The following DNAH7 variants were observed in gnomAD, a reference collection of about 807,000 sequenced individuals.
DNAH7 encodes the protein dynein axonemal heavy chain 7.
A neutral mutation model predicts 444.6 loss-of-function variants in DNAH7; 397 were observed. The observed-to-expected ratio is 0.89, with a 90% CI of 0.82 to 0.97. DNAH7 has a LOEUF of 0.97. Ranked by LOEUF, DNAH7 falls within the 50% of genes least tolerant of loss-of-function variation. The pLI, the probability that DNAH7 is intolerant of heterozygous loss-of-function variation, is 0.00. For synonymous variants in DNAH7, 1,636 were observed against 1,624.4 expected, an observed-to-expected ratio of 1.01 and a Z score of -0.17; for missense variants, 4,902 against 4,800.8, an observed-to-expected ratio of 1.02 and a Z score of -0.62.
At chr2:195,753,301 G>A (rs975964252) in intron 63 of DNAH7, among the ~76,000 whole-genome samples, 1 of 152,060 alleles carries the variant, frequency 6.6e-6, no homozygotes, top group African/African-American at 2.4e-5. Flanking sequence ...GTTTTGAGAG[G>A]AGGAAAGCAA....
At chr2:195,956,106 T>C (rs1378329687) in intron 19 of DNAH7, among the ~76,000 whole-genome samples, 2 of 152,164 alleles carry the variant, frequency 1.3e-5, no homozygotes. Flanking sequence ...TCAGATCATA[T>C]AGTTGACGTC....
chr2:195,923,947 T>G lies in DNAH7; in HGVS notation c.3613-140A>C, dbSNP rs534624878. On this transcript the variant is annotated intron_variant, in intron 22 of 64. Coordinates refer to ENST00000312428, the MANE Select transcript of DNAH7 (RefSeq NM_018897.3). Reference sequence around the variant, plus strand: ...CATGTAATACAATTTAAAAATAATTTGTTTTTCTGACTACAAAGATACTAG... The same window carrying G: ...CATGTAATACAATTTAAAAATAATTGGTTTTTCTGACTACAAAGATACTAG... 1.5e-5 allele frequency: 13 copies of G among 853,670 alleles called. No homozygotes were observed. In the African/African-American group the frequency reaches 1.7e-4, roughly 11 times the overall value. 52.9% of individuals were successfully genotyped at this position (853,670 alleles called of 1,614,324 possible). A position where few individuals can be genotyped will look rare whatever the true frequency, so the allele number is the denominator to read the frequency against.
chr2:195,969,822 A>G (rs1691722456), intron 17 of DNAH7, 126 bp downstream of exon 17: 1 of 940,106 alleles, frequency 1.1e-6, no homozygotes, highest in Non-Finnish European at 1.5e-6. Flanking sequence ...GTGTCATTCT[A>G]TTATCCTCTA....
chr2:195,957,658 A>G (rs1690777564), intron 18 of DNAH7, among the ~76,000 whole-genome samples: 1 of 151,564 alleles, frequency 6.6e-6, no homozygotes, highest in Non-Finnish European at 1.5e-5. Context: ...TACATTATAT[A>G]CAATCTTGTA....
At position 195,991,625 on chromosome 2, in the gene DNAH7, T is replaced by A. The variant is rs186669713; in HGVS notation, c.1354-3396A>T. On this transcript the variant is annotated intron_variant, in intron 12 of 64. Coordinates refer to ENST00000312428, the MANE Select transcript of DNAH7 (RefSeq NM_018897.3). ...ATATCAACTTCAATAAAACAACTGC[T>A]ATGCAGAACCCTGTACATATAAACA... 1.6e-3 allele frequency among the ~76,000 whole-genome samples: 244 copies of A among 152,342 alleles called. 2 individuals carry two copies. Among genetic ancestry groups the A allele is most frequent in the Non-Finnish European group, 6.8e-4 (46 of 68,030 alleles).
intron 39 of DNAH7, 73 bp from the exon 40 acceptor site, chr2:195,872,542 A>G (rs1700780528): frequency 5.2e-6 from 5 of 955,562 alleles, no homozygotes; most frequent in Non-Finnish European, 7.6e-6. Flanking sequence ...AAGGATATTT[A>G]GCAGGACCAA....
chr2:195,771,963 A>C, intron 60 of DNAH7, 73 bp from the exon 61 acceptor site: 2 of 1,268,006 alleles, frequency 1.6e-6, no homozygotes, highest in African/African-American at 1.5e-5. Flanking sequence ...AAAAATCCTA[A>C]GGTAAATCTT....
intron 39 of DNAH7, 107 bp from the exon 40 acceptor site, chr2:195,872,576 A>G: frequency 1.7e-6 from 1 of 587,164 alleles, no homozygotes; most frequent in Non-Finnish European, 2.8e-6. Flanking sequence ...TTTTGATTAA[A>G]TCAATTTCAT....
intron 60 of DNAH7, among the ~76,000 whole-genome samples, chr2:195,773,847 T>A (rs750133361): frequency 1.6e-4 from 24 of 152,264 alleles, no homozygotes; most frequent in Admixed American, 7.2e-4. Flanking sequence ...AAAGGAGCTC[T>A]GCACAAGCAA....
At chr2:196,035,788 T>C (rs1354480759) in intron 5 of DNAH7, among the ~76,000 whole-genome samples, 1 of 149,626 alleles carries the variant, frequency 6.7e-6, no homozygotes, top group East Asian at 2.0e-4. Context: ...CTGTTCACAT[T>C]TCCACCCAAG....
At chr2:195,919,906 AT>A (rs1272595486) in intron 24 of DNAH7, among the ~76,000 whole-genome samples, 1 of 152,194 alleles carries the variant, frequency 6.6e-6, no homozygotes, top group African/African-American at 2.4e-5. Context: ...GAGATATCAA[AT>A]GGAAGTATCA....
rs1240380109 is a variant in DNAH7, at chr2:195,951,085, A to G, written c.3078+6176T>C. Reference sequence around the variant, plus strand: ...TTCTCCTGTGAGCATTTAGTGCTATAAAGTTCCCTCTAAACACTGCTTTAC... The same window carrying G: ...TTCTCCTGTGAGCATTTAGTGCTATGAAGTTCCCTCTAAACACTGCTTTAC... On this transcript the variant is annotated intron_variant, in intron 19 of 64. Coordinates refer to ENST00000312428, the MANE Select transcript of DNAH7 (RefSeq NM_018897.3). Among the ~76,000 whole-genome samples, 3 of 152,116 alleles carry G rather than the reference A, an allele frequency of 2.0e-5. No homozygotes were observed. The East Asian group carries it at 5.8e-4, about 29-fold the overall frequency.
At chr2:195,785,121 C>T (rs1270106400) in intron 58 of DNAH7, among the ~76,000 whole-genome samples, 3 of 152,016 alleles carry the variant, frequency 2.0e-5, no homozygotes, top group Admixed American at 6.6e-5. Flanking sequence ...CCGTGTTAGT[C>T]AGGATGATCT....
At chr2:196,058,156 T>C (rs1181307858) in intron 1 of DNAH7, 40 bp from the exon 2 acceptor site, 5 of 1,516,144 alleles carry the variant, frequency 3.3e-6, no homozygotes, top group Non-Finnish European at 4.4e-6. Flanking sequence ...GTTTACTCCG[T>C]TAATGCTAAA....
intron 2 of DNAH7, among the ~76,000 whole-genome samples, chr2:196,055,084 A>G (rs1361357136): frequency 1.3e-5 from 2 of 152,200 alleles, no homozygotes; most frequent in African/African-American, 4.8e-5. Flanking sequence ...GCTGGGCACA[A>G]TGGCTCACAG....
At chr2:195,878,231 T>A (rs143645363) in intron 36 of DNAH7, among the ~76,000 whole-genome samples, 60 of 152,330 alleles carry the variant, frequency 3.9e-4, no homozygotes, top group African/African-American at 1.4e-3. Flanking sequence ...TTATAATATA[T>A]TTTTATTAGC....
intron 19 of DNAH7, among the ~76,000 whole-genome samples, chr2:195,948,468 A>G (rs915202449): frequency 1.3e-4 from 20 of 152,246 alleles, no homozygotes; most frequent in Admixed American, 5.9e-4. Flanking sequence ...TAATTTTTGT[A>G]TAAGGTGTAA....
intron 19 of DNAH7, among the ~76,000 whole-genome samples, chr2:195,941,286 C>G (rs2125436975): frequency 6.6e-6 from 1 of 152,082 alleles, no homozygotes; most frequent in South Asian, 2.1e-4. Flanking sequence ...AAACCAAACA[C>G]TGCATGTTCT....
chr2:195,808,588 T>C, intron 53 of DNAH7, 94 bp downstream of exon 53: 2 of 1,461,570 alleles, frequency 1.4e-6, no homozygotes, highest in South Asian at 1.2e-5. Context: ...ACCAGTTGTT[T>C]AAAGCTTATT....
Sources: allele counts gnomAD v4.1 joint callset (sites outside exome capture counted in the v4.1 genomes callset), GRCh38; gene constraint gnomAD v4.1.1; transcripts MANE v1.5; gene names NCBI Gene and HGNC (gene_info 2026-07-23, HGNC 2026-07-21).